Variants in WDR25 observed in about 807,000 individuals in gnomAD.
The protein encoded by WDR25 is WD repeat domain 25, also known as WD repeat-containing protein 25.
WDR25 carries 35 observed loss-of-function variants against 47.7 expected under a neutral mutation model. That is an observed-to-expected ratio of 0.73 (90% CI 0.56 to 0.97). The LOEUF is 0.97. WDR25 is among the 50% of genes least tolerant of loss of function. The pLI is 0.00. For synonymous variants in WDR25, 248 were observed against 278.9 expected, an observed-to-expected ratio of 0.89 and a Z score of 1.10; for missense variants, 634 against 704.7, an observed-to-expected ratio of 0.90 and a Z score of 1.14.
chr14:100,436,713 C>A (rs1051328805), intron 2 of WDR25, among the ~76,000 whole-genome samples: 16 of 152,170 alleles, frequency 1.1e-4, no homozygotes, highest in Admixed American at 9.2e-4. Context: ...CTTGGTTTTA[C>A]TTTGCCATGT....
chr14:100,416,091 C>T (rs1897860661), intron 2 of WDR25, among the ~76,000 whole-genome samples: 1 of 152,230 alleles, frequency 6.6e-6, no homozygotes, highest in Non-Finnish European at 1.5e-5. Context: ...CCTCACAGAG[C>T]ACGTGTCATT....
chr14:100,434,843 A>G (rs1898451900), intron 2 of WDR25, among the ~76,000 whole-genome samples: 1 of 152,028 alleles, frequency 6.6e-6, no homozygotes, highest in Non-Finnish European at 1.5e-5. Flanking sequence ...GTAGTTTCTT[A>G]TTCCGCTCTT....
chr14:100,399,433 CT>C (rs1361032656), intron 2 of WDR25, among the ~76,000 whole-genome samples: 1 of 151,816 alleles, frequency 6.6e-6, no homozygotes, highest in Non-Finnish European at 1.5e-5. Flanking sequence ...TCTCTCATGT[CT>C]TTTTCGGTAC....
At chr14:100,456,888 G>A (rs912464039) in intron 2 of WDR25, among the ~76,000 whole-genome samples, 2 of 152,178 alleles carry the variant, frequency 1.3e-5, no homozygotes, top group African/African-American at 4.8e-5. Context: ...AAGAATCTCA[G>A]TGAACCCCTG....
chr14:100,396,490 G>A (rs1595498077), intron 2 of WDR25, among the ~76,000 whole-genome samples: 1 of 152,356 alleles, frequency 6.6e-6, no homozygotes, highest in Non-Finnish European at 1.5e-5. Flanking sequence ...GCTGACTGCT[G>A]TTCCCAGCTG....
intron 2 of WDR25, among the ~76,000 whole-genome samples, chr14:100,451,011 A>G (rs1422102122): frequency 6.6e-6 from 1 of 152,178 alleles, no homozygotes; most frequent in Non-Finnish European, 1.5e-5. Context: ...GAGAAATTAC[A>G]GAGAATGGGA....
intron 4 of WDR25, among the ~76,000 whole-genome samples, chr14:100,507,698 T>C (rs1056441208): frequency 4.0e-5 from 6 of 151,760 alleles, no homozygotes; most frequent in East Asian, 1.9e-4. Context: ...GCAAATGGGA[T>C]TGTATTCTTG....
intron 2 of WDR25, among the ~76,000 whole-genome samples, chr14:100,465,708 T>C (rs1899607007): frequency 6.6e-5 from 10 of 152,214 alleles, no homozygotes; most frequent in Admixed American, 6.5e-4. Flanking sequence ...GTTTCAGCTT[T>C]TTGGGCATTT....
chr14:100,495,905 C>T (rs780261500), intron 4 of WDR25, among the ~76,000 whole-genome samples: 62 of 152,168 alleles, frequency 4.1e-4, no homozygotes, highest in Admixed American at 2.6e-3. Context: ...CATTTTTGGA[C>T]ATTTGTTTGT....
intron 2 of WDR25, among the ~76,000 whole-genome samples, chr14:100,450,642 C>T (rs898622918): frequency 6.6e-6 from 1 of 152,222 alleles, no homozygotes; most frequent in African/African-American, 2.4e-5. Flanking sequence ...CCCTGACAAC[C>T]TTGTGGGCTT....
At chr14:100,410,576 C>T (rs1219285013) in intron 2 of WDR25, among the ~76,000 whole-genome samples, 1 of 152,088 alleles carries the variant, frequency 6.6e-6, no homozygotes, top group Non-Finnish European at 1.5e-5. Context: ...AGGTTGGAAG[C>T]CTGAGGAAGA....
In WDR25 at chr14:100,392,160, T is replaced by C. The variant is rs1307781604; in HGVS notation, c.822+10414T>C. 6.6e-6 allele frequency among the ~76,000 whole-genome samples: 1 copy of C among 152,204 alleles called. No homozygotes were observed. The highest frequency in any genetic ancestry group is 1.9e-4 in the East Asian group (1 of 5,194). On this transcript the variant is annotated intron_variant, in intron 2 of 6. Coordinates refer to ENST00000402312, the MANE Select transcript of WDR25 (RefSeq NM_001161476.3). The surrounding 1 kb of genome is among the most constrained non-coding windows in gnomAD (Gnocchi z 4.2). The stretch of plus-strand genomic sequence containing the variant: ...AAATGTCCTCAGTTTTCACTTCTAA[T>C]ACGCGAAGTACCCATAGCTATAATC...
chr14:100,450,876 T>C (rs1418733834), intron 2 of WDR25, among the ~76,000 whole-genome samples: 1 of 152,096 alleles, frequency 6.6e-6, no homozygotes, highest in Non-Finnish European at 1.5e-5. Context: ...AGATGTGACA[T>C]GCAACCCCAA....
chr14:100,515,739 C>T (rs570047931), intron 4 of WDR25, among the ~76,000 whole-genome samples: 2 of 151,718 alleles, frequency 1.3e-5, no homozygotes, highest in Non-Finnish European at 2.9e-5. Context: ...AGCAATTTTG[C>T]CTCAGCATCC....
In WDR25 at chr14:100,450,779, G is replaced by T. The variant is rs186863701; in HGVS notation, c.823-17242G>T. ...TATTGAGAGAGGGAGTATGTCTTAG[G>T]ATAAGAGAGTAGGAGCAGTCCAGAG... On this transcript the variant is annotated intron_variant, in intron 2 of 6. Coordinates refer to ENST00000402312, the MANE Select transcript of WDR25 (RefSeq NM_001161476.3). Among the ~76,000 whole-genome samples the T allele has an allele frequency of 2.6e-5, 4 of 152,322 alleles. No individual in the cohort carries two copies. In the East Asian group the frequency reaches 7.7e-4, roughly 29 times the overall value.
intron 2 of WDR25, among the ~76,000 whole-genome samples, chr14:100,453,789 T>A (rs1337619412): frequency 6.6e-6 from 1 of 152,222 alleles, no homozygotes; most frequent in Non-Finnish European, 1.5e-5. Flanking sequence ...CTTCAGCCCC[T>A]TCTGTGATAT....
chr14:100,521,818 A>G (rs2029883478), intron 4 of WDR25, among the ~76,000 whole-genome samples: 2 of 152,186 alleles, frequency 1.3e-5, no homozygotes, highest in Admixed American at 1.3e-4. Context: ...GTAACGATGC[A>G]TATGTTATTT....
intron 2 of WDR25, among the ~76,000 whole-genome samples, chr14:100,408,548 C>G (rs1197906536): frequency 6.6e-6 from 1 of 152,068 alleles, no homozygotes; most frequent in Non-Finnish European, 1.5e-5. Context: ...CTGCTCCCCC[C>G]AGTCTCTATA....
intron 1 of WDR25, 48 bp from the exon 2 acceptor site, chr14:100,380,862 A>T (rs1457123578): frequency 6.6e-7 from 1 of 1,510,218 alleles, no homozygotes; most frequent in East Asian, 2.3e-5. Flanking sequence ...AACTACATAC[A>T]TATTCTTCCA....
Sources: allele counts gnomAD v4.1 joint callset (sites outside exome capture counted in the v4.1 genomes callset), GRCh38; gene constraint gnomAD v4.1.1; non-coding constraint Gnocchi (gnomAD v3.1); transcripts MANE v1.5; gene names NCBI Gene and HGNC (gene_info 2026-07-23, HGNC 2026-07-21).